The following SPAG16 variants were observed in gnomAD, a reference collection of about 807,000 sequenced individuals.
SPAG16 encodes sperm associated antigen 16.
SPAG16 carries 86 observed loss-of-function variants against 80.4 expected under a neutral mutation model. The observed-to-expected ratio is 1.07, with a 90% CI of 0.90 to 1.28. The LOEUF (loss-of-function observed/expected upper bound fraction) is 1.28. Ranked by LOEUF, SPAG16 falls within the 50% of genes most tolerant of loss-of-function variation. The pLI is 0.00. For synonymous variants in SPAG16, 294 were observed against 265.9 expected, an observed-to-expected ratio of 1.11 and a Z score of -1.03; for missense variants, 870 against 765.3, an observed-to-expected ratio of 1.14 and a Z score of -1.61.
chr2:213,415,027 G>A (rs1217759019), intron 9 of SPAG16, among the ~76,000 whole-genome samples: 3 of 152,116 alleles, frequency 2.0e-5, no homozygotes, highest in Admixed American at 6.5e-5. Context: ...TGGGAAAACC[G>A]CCCCCATGAT....
chr2:213,922,914 GT>G (rs1174899640), intron 11 of SPAG16, among the ~76,000 whole-genome samples: 1 of 152,174 alleles, frequency 6.6e-6, no homozygotes, highest in Non-Finnish European at 1.5e-5. Context: ...TTCTTGCCAG[GT>G]TGGCCTTAAT....
At chr2:213,505,501 A>G (rs1287740427) in intron 10 of SPAG16, among the ~76,000 whole-genome samples, 1 of 152,160 alleles carries the variant, frequency 6.6e-6, no homozygotes, top group Non-Finnish European at 1.5e-5. Flanking sequence ...ATATTTTAAA[A>G]CATAAGTTAG....
chr2:214,379,097 T>A (rs538470670), intron 15 of SPAG16, among the ~76,000 whole-genome samples: 1 of 152,334 alleles, frequency 6.6e-6, no homozygotes, highest in East Asian at 1.9e-4. Flanking sequence ...GAATTATCCC[T>A]AAAATGATGG....
intron 8 of SPAG16, among the ~76,000 whole-genome samples, chr2:213,369,276 G>T (rs1045779405): frequency 6.6e-6 from 1 of 152,080 alleles, no homozygotes; most frequent in African/African-American, 2.4e-5. Context: ...TACCACAATT[G>T]AATACAGAGA....
chr2:214,113,226 C>G (rs1288870907), intron 14 of SPAG16, among the ~76,000 whole-genome samples: 2 of 152,172 alleles, frequency 1.3e-5, no homozygotes, highest in African/African-American at 4.8e-5. Flanking sequence ...GGTTACCTGA[C>G]CTTTCTCTCT....
chr2:213,951,465 C>G (rs1320347638), intron 12 of SPAG16, among the ~76,000 whole-genome samples: 1 of 152,010 alleles, frequency 6.6e-6, no homozygotes, highest in African/African-American at 2.4e-5. Context: ...CATAGCAGAG[C>G]CTGCCATGAT....
At chr2:213,588,899 A>G (rs926199684) in intron 10 of SPAG16, among the ~76,000 whole-genome samples, 18 of 150,686 alleles carry the variant, frequency 1.2e-4, no homozygotes, top group African/African-American at 3.7e-4. Flanking sequence ...CAGAAAGTAC[A>G]ATCAGTTCTT....
intron 10 of SPAG16, among the ~76,000 whole-genome samples, chr2:213,820,453 A>G (rs979175170): frequency 5.3e-5 from 8 of 152,220 alleles, no homozygotes; most frequent in African/African-American, 1.7e-4. Flanking sequence ...TATTCAAATT[A>G]GGACTGGGGT....
chr2:214,087,981 T>C (rs1037752128), intron 13 of SPAG16, among the ~76,000 whole-genome samples: 1 of 152,034 alleles, frequency 6.6e-6, no homozygotes, highest in African/African-American at 2.4e-5. Flanking sequence ...CAAAGGACAT[T>C]TACTTTAAAA....
At chr2:213,413,146 G>A (rs1206953324) in intron 9 of SPAG16, among the ~76,000 whole-genome samples, 3 of 152,044 alleles carry the variant, frequency 2.0e-5, no homozygotes, top group Non-Finnish European at 4.4e-5. Flanking sequence ...AAGCATAAAT[G>A]AATAGGATAA....
rs1426457836 is a variant in SPAG16, at chr2:213,364,150, A to C, written c.832+5A>C. 1 of 1,484,824 alleles carries C rather than the reference A, an allele frequency of 6.7e-7. No homozygotes were observed. The highest frequency in any genetic ancestry group is 1.4e-5 in the South Asian group (1 of 70,120). 92.0% of individuals were successfully genotyped at this position (1,484,824 alleles called of 1,614,324 possible). A position where few individuals can be genotyped will look rare whatever the true frequency, so the allele number is the denominator to read the frequency against. On this transcript the variant is annotated splice_donor_5th_base_variant and intron_variant, in intron 8 of 15. Coordinates refer to ENST00000331683, the MANE Select transcript of SPAG16 (RefSeq NM_024532.5). ...ACCATGGTCCTCAAATTAAAGGTAA[A>C]TGTAAAATGTGATGAAGCTCTCATT...
chr2:213,607,968 A>G (rs1194622140), intron 10 of SPAG16, among the ~76,000 whole-genome samples: 3 of 152,230 alleles, frequency 2.0e-5, no homozygotes. Context: ...TACTTTAGAA[A>G]GTACTAAATT....
At chr2:213,542,468 T>C (rs995982592) in intron 10 of SPAG16, among the ~76,000 whole-genome samples, 1 of 152,164 alleles carries the variant, frequency 6.6e-6, no homozygotes, top group Non-Finnish European at 1.5e-5. Context: ...TGTTTTTATT[T>C]ACTTCTTTCT....
chr2:213,864,221 A>G (rs1241116332), intron 11 of SPAG16, among the ~76,000 whole-genome samples: 2 of 152,160 alleles, frequency 1.3e-5, no homozygotes, highest in African/African-American at 4.8e-5. Flanking sequence ...ATGAAAAAAT[A>G]TATATGTACC....
chr2:213,580,302 A>T (rs936528977), intron 10 of SPAG16, among the ~76,000 whole-genome samples: 4 of 152,134 alleles, frequency 2.6e-5, no homozygotes, highest in African/African-American at 9.7e-5. Context: ...TCAAACTAAG[A>T]ATAATATACA....
chr2:213,329,985 T>C (rs1009443751), intron 5 of SPAG16, among the ~76,000 whole-genome samples: 1 of 152,182 alleles, frequency 6.6e-6, no homozygotes, highest in Non-Finnish European at 1.5e-5. Context: ...CCATGTGATG[T>C]TGAGCCTGCA....
At chr2:213,989,159 A>C (rs1396667006) in intron 12 of SPAG16, among the ~76,000 whole-genome samples, 1 of 152,138 alleles carries the variant, frequency 6.6e-6, no homozygotes, top group African/African-American at 2.4e-5. Flanking sequence ...CTGCTAGGAC[A>C]ATAAGAATGA....
At position 213,582,250 on chromosome 2, in the gene SPAG16, T is replaced by C. The variant is rs886198592; in HGVS notation, c.1070+92160T>C. 5.3e-5 allele frequency among the ~76,000 whole-genome samples: 8 copies of C among 152,144 alleles called. No homozygotes were observed. The East Asian group carries it at 1.2e-3, about 22-fold the overall frequency. Reference sequence around the variant, plus strand: ...TAGTGTAAGTAATATGACATTTTTTTCCCTATACTGTGTCCTTCCTAAGTT... The same window carrying C: ...TAGTGTAAGTAATATGACATTTTTTCCCCTATACTGTGTCCTTCCTAAGTT... On this transcript the variant is annotated intron_variant, in intron 10 of 15. Coordinates refer to ENST00000331683, the MANE Select transcript of SPAG16 (RefSeq NM_024532.5).
intron 5 of SPAG16, among the ~76,000 whole-genome samples, chr2:213,335,174 A>G (rs2124907982): frequency 6.6e-6 from 1 of 152,328 alleles, no homozygotes; most frequent in African/African-American, 2.4e-5. Flanking sequence ...TTTGGAAGAG[A>G]TGAAAGCATG....
Sources: allele counts gnomAD v4.1 joint callset (sites outside exome capture counted in the v4.1 genomes callset), GRCh38; gene constraint gnomAD v4.1.1; transcripts MANE v1.5; gene names NCBI Gene and HGNC (gene_info 2026-07-23, HGNC 2026-07-21).